The following PHF21A variants were observed in gnomAD, a reference collection of about 807,000 sequenced individuals.
The protein encoded by PHF21A is BHC80a.
In PHF21A, 11 loss-of-function variants were observed where a neutral mutation model predicts 82.5. The ratio of observed to expected loss-of-function variants is 0.13; its 90% CI spans 0.08 to 0.22. The LOEUF is 0.22. Ranked by LOEUF, PHF21A falls within the 10% of genes least tolerant of loss-of-function variation. PHF21A has a pLI of 1.00. For synonymous variants in PHF21A, 297 were observed against 302.8 expected, an observed-to-expected ratio of 0.98 and a Z score of 0.20; for missense variants, 579 against 837.8, an observed-to-expected ratio of 0.69 and a Z score of 3.81.
chr11:45,980,062 C>T, intron 6 of PHF21A, 96 bp from the exon 7 acceptor site: 1 of 1,543,048 alleles, frequency 6.5e-7, no homozygotes, highest in Non-Finnish European at 8.8e-7. Context: ...TAAATAGCTT[C>T]ATCTAAAACT....
At chr11:45,949,074 T>C (rs536100768) in intron 13 of PHF21A, 128 bp from the exon 14 acceptor site, 2 of 783,924 alleles carry the variant, frequency 2.6e-6, no homozygotes, top group Admixed American at 3.8e-5. Flanking sequence ...CATCCTAAGG[T>C]CTCAATGCTC....
rs988086483 is a variant in PHF21A, at chr11:45,948,893, C to T, written c.1281G>A (p.Arg427=). 6.2e-7 allele frequency: 1 copy of T among 1,613,660 alleles called. No homozygotes were observed. The highest frequency in any genetic ancestry group is 1.3e-5 in the African/African-American group (1 of 74,920). Residue 427 remains arginine, a synonymous_variant, in exon 14 of 19, where the codon CGG becomes CGA. Coordinates refer to ENST00000676320, the MANE Select transcript of PHF21A (RefSeq NM_001352027.3). ...ATACAAAAAGGTCCTCACCTCTCTT[C>T]CGGGTCCCAGGGTGCATTGTGCTGT... ...YLNSTMHPGT[R]KRGRPPKYNA... is the part of the protein sequence containing the mutation.
intron 6 of PHF21A, among the ~76,000 whole-genome samples, chr11:45,981,940 C>CTTTTTTTTTT (rs754937092): frequency 3.3e-3 from 255 of 78,298 alleles, no homozygotes; most frequent in East Asian, 4.9e-3. Flanking sequence ...TTTTGTTTTT[C>CTTTTTTTTTT]TTTTTTTTTT....
intron 6 of PHF21A, among the ~76,000 whole-genome samples, chr11:46,038,238 T>A (rs1007656576): frequency 1.4e-4 from 21 of 152,104 alleles, no homozygotes; most frequent in African/African-American, 4.8e-4. Context: ...GCGATTCTCC[T>A]GCCTCAGCCT....
At chr11:45,978,396 T>C (rs192822861) in intron 7 of PHF21A, among the ~76,000 whole-genome samples, 2 of 152,358 alleles carry the variant, frequency 1.3e-5, no homozygotes, top group East Asian at 1.9e-4. Flanking sequence ...ATGTCCATTA[T>C]GTAAAACACT....
rs751530482 is a variant in PHF21A, at chr11:45,931,019, G to A, written c.*2949C>T. 6.6e-6 allele frequency: 1 copy of A among 151,262 alleles called. No individual in the cohort carries two copies. Among genetic ancestry groups the A allele is most frequent in the Non-Finnish European group, 1.5e-5 (1 of 67,948 alleles). The allele number at this position is 151,262 out of a possible 1,614,324, so 9.4% of individuals were successfully genotyped here. A position where few individuals can be genotyped will look rare whatever the true frequency, so the allele number is the denominator to read the frequency against. On this transcript the variant is annotated 3_prime_UTR_variant, in exon 19 of 19. Coordinates refer to ENST00000676320, the MANE Select transcript of PHF21A (RefSeq NM_001352027.3). ...TTTTGGAATTTGAGTGCAGAATGTAGGTTTGGGGGCTGGGTTGCATCTCGT... is the reference window on the plus strand; with the variant it reads ...TTTTGGAATTTGAGTGCAGAATGTAAGTTTGGGGGCTGGGTTGCATCTCGT...
At chr11:45,997,966 G>A (rs1306426308) in intron 6 of PHF21A, among the ~76,000 whole-genome samples, 1 of 152,140 alleles carries the variant, frequency 6.6e-6, no homozygotes, top group Non-Finnish European at 1.5e-5. Context: ...GGTCACCTCT[G>A]AACACTGGGC....
intron 6 of PHF21A, among the ~76,000 whole-genome samples, chr11:46,074,464 G>GC (rs886460511): frequency 6.6e-6 from 1 of 151,730 alleles, no homozygotes; most frequent in Non-Finnish European, 1.5e-5. Context: ...TTGGCGGGAG[G>GC]GGGGAAGGCA....
At chr11:46,118,535 A>G (rs919748359) in intron 1 of PHF21A, among the ~76,000 whole-genome samples, 2 of 152,176 alleles carry the variant, frequency 1.3e-5, no homozygotes, top group Admixed American at 1.3e-4. Context: ...GTACATCTAC[A>G]AACGTTTTAA....
At chr11:46,052,872 C>T (rs2096390343) in intron 6 of PHF21A, among the ~76,000 whole-genome samples, 1 of 152,142 alleles carries the variant, frequency 6.6e-6, no homozygotes, top group Non-Finnish European at 1.5e-5. Context: ...GCAAAGGCAT[C>T]ACAGAAAGGG....
intron 6 of PHF21A, among the ~76,000 whole-genome samples, chr11:46,006,571 CT>C (rs2095301272): frequency 1.3e-5 from 2 of 152,246 alleles, no homozygotes; most frequent in Admixed American, 1.3e-4. Flanking sequence ...ACACAGGCAG[CT>C]GTCTGCCTGA....
chr11:46,027,659 A>T (rs2095777359), intron 6 of PHF21A, among the ~76,000 whole-genome samples: 1 of 152,212 alleles, frequency 6.6e-6, no homozygotes. Flanking sequence ...CATTCTCCTT[A>T]TTCACCTTCC....
intron 6 of PHF21A, among the ~76,000 whole-genome samples, chr11:46,007,304 T>C (rs2095316786): frequency 6.6e-6 from 1 of 151,936 alleles, no homozygotes; most frequent in South Asian, 2.1e-4. Flanking sequence ...TCCATCTACC[T>C]TTTTTCTTCT....
chr11:46,013,833 A>C (rs559348570), intron 6 of PHF21A, among the ~76,000 whole-genome samples: 1 of 152,328 alleles, frequency 6.6e-6, no homozygotes, highest in African/African-American at 2.4e-5. Context: ...GTAAAAATAC[A>C]CTACGAAAGA....
At chr11:45,988,025 T>C (rs956199108) in intron 6 of PHF21A, among the ~76,000 whole-genome samples, 2 of 152,138 alleles carry the variant, frequency 1.3e-5, no homozygotes, top group African/African-American at 4.8e-5. Flanking sequence ...AAATACAATT[T>C]AAGTACAGTG....
chr11:46,077,353 CACTG>C (rs1419851350), intron 5 of PHF21A, among the ~76,000 whole-genome samples: 5 of 152,250 alleles, frequency 3.3e-5, no homozygotes, highest in Admixed American at 3.3e-4. Context: ...CAAATTAACA[CACTG>C]ACTACCAGGG....
At chr11:46,105,347 G>A (rs1010290283) in intron 1 of PHF21A, among the ~76,000 whole-genome samples, 1 of 152,162 alleles carries the variant, frequency 6.6e-6, no homozygotes, top group Non-Finnish European at 1.5e-5. Flanking sequence ...TGCTTTCCAA[G>A]CATGTGTGCC....
rs1157624529 is a variant in PHF21A, at chr11:45,979,722, A to G, written c.360+38T>C. The G allele has an allele frequency of 1.9e-6, 3 of 1,612,518 alleles. No individual in the cohort carries two copies. In the South Asian group the frequency reaches 3.3e-5, roughly 18 times the overall value. On this transcript the variant is annotated intron_variant, in intron 7 of 18. Coordinates refer to ENST00000676320, the MANE Select transcript of PHF21A (RefSeq NM_001352027.3). ...TATATGACCAACAACAAATCAGTCTACAATCTGCAGCCTGCAATGTTCCAT... is the reference window on the plus strand; with the variant it reads ...TATATGACCAACAACAAATCAGTCTGCAATCTGCAGCCTGCAATGTTCCAT...
intron 1 of PHF21A, among the ~76,000 whole-genome samples, chr11:46,113,776 A>G (rs1468398880): frequency 6.6e-6 from 1 of 151,592 alleles, no homozygotes; most frequent in East Asian, 1.9e-4. Flanking sequence ...CAGTGAGCTA[A>G]TATCGCACCA....
Sources: gnomAD v4.1 joint callset for allele counts (sites outside exome capture counted in the v4.1 genomes callset) on GRCh38, gnomAD v4.1.1 for gene constraint, MANE v1.5 for transcripts, NCBI Gene and HGNC (gene_info 2026-07-23, HGNC 2026-07-21) for gene names.